The following FAT4 variants were observed in gnomAD, a reference collection of about 807,000 sequenced individuals.
The protein encoded by FAT4 is protocadherin Fat 4.
A neutral mutation model predicts 303.9 loss-of-function variants in FAT4; 84 were observed. The ratio of observed to expected loss-of-function variants is 0.28; its 90% CI spans 0.23 to 0.33. FAT4 has a LOEUF of 0.33. FAT4 is among the 10% of genes least tolerant of loss of function. The pLI is 1.00. For missense variants in FAT4, 6,005 were observed against 6,146.8 expected, an observed-to-expected ratio of 0.98 and a Z score of 0.77; for synonymous variants, 2,307 against 2,298.8, an observed-to-expected ratio of 1.00 and a Z score of -0.10.
At chr4:125,464,669 T>A (rs1036065716) in intron 11 of FAT4, among the ~76,000 whole-genome samples, 14 of 152,180 alleles carry the variant, frequency 9.2e-5, no homozygotes, top group Non-Finnish European at 1.9e-4. Flanking sequence ...CCCTCCCCCC[T>A]TCCCCACCCC....
intron 2 of FAT4, among the ~76,000 whole-genome samples, chr4:125,377,594 A>G (rs1193182899): frequency 2.0e-5 from 3 of 152,096 alleles, no homozygotes; most frequent in African/African-American, 2.4e-5. Flanking sequence ...CTGCTGTTAC[A>G]TTTGTTCTGA....
At chr4:125,478,592 C>T (rs1212226743) in intron 14 of FAT4, among the ~76,000 whole-genome samples, 2 of 152,016 alleles carry the variant, frequency 1.3e-5, no homozygotes, top group African/African-American at 4.8e-5. Context: ...AGTGCAATGG[C>T]GGGATCTCGG....
chr4:125,424,190 C>T (rs907997208), intron 7 of FAT4, among the ~76,000 whole-genome samples: 12 of 152,014 alleles, frequency 7.9e-5, no homozygotes, highest in African/African-American at 2.4e-4. Context: ...TGGCTGTGTG[C>T]CCAGCCAAAT....
chr4:125,434,502 T>A lies in FAT4; in HGVS notation c.7199+77T>A, dbSNP rs1725389978. The A allele has an allele frequency of 1.8e-5, 23 of 1,285,006 alleles. 1 individual carries two copies. The South Asian group carries it at 2.7e-4, about 15-fold the overall frequency. 79.6% of individuals were successfully genotyped at this position (1,285,006 alleles called of 1,614,324 possible). A position where few individuals can be genotyped will look rare whatever the true frequency, so the allele number is the denominator to read the frequency against. On this transcript the variant is annotated intron_variant, in intron 8 of 17. Transcript: ENST00000394329. ...TTTTTGAACTACATGAATATAATGTTTAATTTAAATGAACGTCATATTAAC... is the reference window on the plus strand; with the variant it reads ...TTTTTGAACTACATGAATATAATGTATAATTTAAATGAACGTCATATTAAC...
chr4:125,373,918 A>G (rs897955037), intron 2 of FAT4, among the ~76,000 whole-genome samples: 1 of 150,666 alleles, frequency 6.6e-6, no homozygotes, highest in African/African-American at 2.5e-5. Context: ...TGTATTAGAA[A>G]ATAATAAGGA....
intron 2 of FAT4, among the ~76,000 whole-genome samples, chr4:125,341,400 T>C (rs1578539590): frequency 6.6e-6 from 1 of 152,266 alleles, no homozygotes; most frequent in East Asian, 1.9e-4. Flanking sequence ...TATACTTCTA[T>C]TAACTGTAGA....
At chr4:125,365,346 G>A (rs573940595) in intron 2 of FAT4, among the ~76,000 whole-genome samples, 51 of 152,262 alleles carry the variant, frequency 3.3e-4, no homozygotes, top group African/African-American at 1.1e-3. Context: ...CCACGAGCTT[G>A]GATATGTTGT....
chr4:125,323,371 A>G (rs1731030816), intron 2 of FAT4, among the ~76,000 whole-genome samples: 1 of 152,192 alleles, frequency 6.6e-6, no homozygotes, highest in Non-Finnish European at 1.5e-5. Context: ...AAGATTAAAA[A>G]TGTTTATAAG....
At chr4:125,354,752 G>GA (rs35163847) in intron 2 of FAT4, among the ~76,000 whole-genome samples, 57,329 of 135,046 alleles carry the variant, frequency 0.42, 12,045 homozygotes, top group Admixed American at 0.52. Context: ...AGAGTTTAAT[G>GA]AAAAAAAAAA....
chr4:125,434,706 G>T (rs185597641), intron 8 of FAT4, among the ~76,000 whole-genome samples: 121 of 152,196 alleles, frequency 8.0e-4, no homozygotes, highest in Middle Eastern at 3.4e-3. Context: ...GTCTCATGAG[G>T]TTGACTGGTG....
chr4:125,461,087 C>T (rs1295905982), intron 10 of FAT4, among the ~76,000 whole-genome samples: 1 of 151,978 alleles, frequency 6.6e-6, no homozygotes, highest in Non-Finnish European at 1.5e-5. Flanking sequence ...TTTGTAATCA[C>T]TGTATGTTTT....
rs1419090906 is a variant in FAT4, at chr4:125,448,737, T to C, written c.7727T>C (p.Phe2576Ser). The C allele has an allele frequency of 6.2e-7, 1 of 1,613,522 alleles. No individual in the cohort carries two copies. Among genetic ancestry groups the C allele is most frequent in the South Asian group, 1.1e-5 (1 of 91,076 alleles). The part of the protein sequence containing the change: ...FPKVRAKEQT[F>S]MFPENQPVSS... ...AAAGTGAGAGCCAAAGAACAAACGT[T>C]CATGTTTCCTGAAAACCAACCAGTC... The change falls in exon 10 of 18, where the codon TTC (phenylalanine) becomes TCC (serine). Residue 2576 changes from phenylalanine to serine, a missense_variant. By Grantham distance (155) the Phe-to-Ser change is radical (BLOSUM62 -2). Transcript: ENST00000394329.
intron 2 of FAT4, among the ~76,000 whole-genome samples, chr4:125,351,882 AC>A (rs1461024613): frequency 2.0e-5 from 3 of 151,582 alleles, no homozygotes; most frequent in African/African-American, 7.3e-5. Flanking sequence ...AATTCTAGAC[AC>A]TTCCAACTCA....
At chr4:125,448,394 C>G in intron 9 of FAT4, 67 bp from the exon 10 acceptor site, 1 of 1,440,306 alleles carries the variant, frequency 6.9e-7, no homozygotes, top group Non-Finnish European at 9.4e-7. Context: ...CTTATATGCA[C>G]TTATCTGCTA....
Position 125,337,658 on chromosome 4 carries a change from AAC to A in FAT4, c.5175+16076_5175+16077del, listed in dbSNP as rs536081459. Among the ~76,000 whole-genome samples, 18 of 152,212 alleles carry A rather than the reference AAC, an allele frequency of 1.2e-4. No homozygotes were observed. The East Asian group carries it at 2.9e-3, about 24-fold the overall frequency. ...CATTATATGTTAAAACACTTATGTA[AAC>A]ACAGCCAGATATAATTATATGGAGG... On this transcript the variant is annotated intron_variant, in intron 2 of 17. Coordinates refer to ENST00000394329, the MANE Select transcript of FAT4 (RefSeq NM_001291303.3).
At chr4:125,351,259 G>A (rs1732214888) in intron 2 of FAT4, among the ~76,000 whole-genome samples, 1 of 151,794 alleles carries the variant, frequency 6.6e-6, no homozygotes, top group East Asian at 1.9e-4. Flanking sequence ...GAAATTAAAT[G>A]TACAGATAAA....
chr4:125,354,997 A>AT (rs969745030), intron 2 of FAT4, among the ~76,000 whole-genome samples: 1 of 151,752 alleles, frequency 6.6e-6, no homozygotes, highest in African/African-American at 2.4e-5. Flanking sequence ...TTATCCACAT[A>AT]TTTTTTAAAT....
At chr4:125,423,913 A>C (rs2126035015) in intron 7 of FAT4, among the ~76,000 whole-genome samples, 1 of 152,280 alleles carries the variant, frequency 6.6e-6, no homozygotes, top group South Asian at 2.1e-4. Flanking sequence ...TAGCCCCTTC[A>C]TTTTGGCCAA....
At chr4:125,445,907 T>A (rs1725807923) in intron 8 of FAT4, among the ~76,000 whole-genome samples, 2 of 152,120 alleles carry the variant, frequency 1.3e-5, no homozygotes, top group Admixed American at 1.3e-4. Flanking sequence ...AGAAAAATAA[T>A]TTTTAGTTTC....
Sources: allele counts gnomAD v4.1 joint callset (sites outside exome capture counted in the v4.1 genomes callset), GRCh38; gene constraint gnomAD v4.1.1; transcripts MANE v1.5; gene names NCBI Gene and HGNC (gene_info 2026-07-23, HGNC 2026-07-21).